The following AQR variants were observed in gnomAD, a reference collection of about 807,000 sequenced individuals.
The protein encoded by AQR is aquarius intron-binding spliceosomal factor, also known as RNA helicase aquarius.
A neutral mutation model predicts 180.5 loss-of-function variants in AQR; 61 were observed. The observed-to-expected ratio is 0.34, with a 90% CI of 0.28 to 0.42. The LOEUF is 0.42. Among genes scored for constraint, AQR ranks in the 10% least tolerant of loss-of-function variants. The probability of loss-of-function intolerance (pLI) is 1.00; values close to 1 mark genes in which losing one functional copy is unlikely to be tolerated. For synonymous variants in AQR, 551 were observed against 588.8 expected, an observed-to-expected ratio of 0.94 and a Z score of 0.93; for missense variants, 1,281 against 1,798.3, an observed-to-expected ratio of 0.71 and a Z score of 5.20.
At chr15:34,920,237 G>A (rs1328203322) in intron 14 of AQR, 95 bp downstream of exon 14, 2 of 772,376 alleles carry the variant, frequency 2.6e-6, no homozygotes, top group African/African-American at 1.8e-5. Flanking sequence ...CTAATCTTTG[G>A]CCCACAAAAA....
At chr15:34,966,202 A>G (rs2050309106) in intron 1 of AQR, among the ~76,000 whole-genome samples, 2 of 152,258 alleles carry the variant, frequency 1.3e-5, no homozygotes, top group Non-Finnish European at 2.9e-5. Flanking sequence ...AAGTGAGGTC[A>G]CAAAGTTCAG....
In AQR at chr15:34,900,794, T is replaced by C; in HGVS notation, c.2071A>G (p.Ile691Val). 3 of 1,614,160 alleles carry C rather than the reference T, an allele frequency of 1.9e-6. No homozygotes were observed. Among genetic ancestry groups the C allele is most frequent in the Non-Finnish European group, 2.5e-6 (3 of 1,179,998 alleles). The part of the protein sequence containing the change: ...CVVPDWLHDI[I>V]LGYGDPSSAH... ...CTACTTGGGTCCCCATAACCTAAAA[T>C]GATATCGTGCAGCCAGTCAGGTACC... The change falls in exon 20 of 35, where the codon ATT (isoleucine) becomes GTT (valine). Residue 691 changes from isoleucine (I) to valine (V), a missense_variant. Ile to Val is a conservative substitution (Grantham distance 29). This residue lies in a region of AQR where 28 missense variants were observed against 75.3 expected (regional missense o/e 0.37). Coordinates refer to ENST00000156471, the MANE Select transcript of AQR (RefSeq NM_014691.3).
At chr15:34,897,734 T>C (rs1186120843) in intron 20 of AQR, 29 bp from the exon 21 acceptor site, 1 of 1,612,116 alleles carries the variant, frequency 6.2e-7, no homozygotes, top group South Asian at 1.1e-5. Flanking sequence ...TGTTCATTTT[T>C]GCAATTAACA....
intron 32 of AQR, among the ~76,000 whole-genome samples, chr15:34,865,318 A>T (rs1892725797): frequency 6.6e-6 from 1 of 152,156 alleles, no homozygotes; most frequent in African/African-American, 2.4e-5. Flanking sequence ...TACAAGAACA[A>T]TGAATGCTGG....
intron 22 of AQR, among the ~76,000 whole-genome samples, chr15:34,895,222 G>GAAAAAAAAAAAA (rs1555423906): frequency 2.7e-5 from 1 of 37,286 alleles, no homozygotes; most frequent in Non-Finnish European, 5.0e-5. Flanking sequence ...ATATATATAT[G>GAAAAAAAAAAAA]AAACAAATAA....
rs958432456 is a variant in AQR at position 34,877,507 on chromosome 15, T to G, written c.3166-1501A>C. ...ATGATTAGGTCATTTTTGTGGGAGCTGAACAGAAGGAGGAATTCAAACTCT... is the reference window on the plus strand; with the variant it reads ...ATGATTAGGTCATTTTTGTGGGAGCGGAACAGAAGGAGGAATTCAAACTCT... On this transcript the variant is annotated intron_variant, in intron 27 of 34. Transcript: ENST00000156471. 3.9e-5 allele frequency among the ~76,000 whole-genome samples: 6 copies of G among 152,122 alleles called. No homozygotes were observed. The South Asian group carries it at 1.2e-3, about 32-fold the overall frequency.
chr15:34,909,616 T>C (rs147552832), intron 17 of AQR, among the ~76,000 whole-genome samples: 1 of 152,216 alleles, frequency 6.6e-6, no homozygotes, highest in African/African-American at 2.4e-5. Flanking sequence ...CACCCCCACA[T>C]ATTCTTTTTA....
chr15:34,969,426 A>T, intron 1 of AQR, 113 bp downstream of exon 1: 1 of 1,093,684 alleles, frequency 9.1e-7, no homozygotes, highest in Non-Finnish European at 1.4e-6. Context: ...TGAATCAATT[A>T]ACAAACGAAT....
chr15:34,966,820 C>T (rs1184004429), intron 1 of AQR, among the ~76,000 whole-genome samples: 1 of 149,194 alleles, frequency 6.7e-6, no homozygotes, highest in Non-Finnish European at 1.5e-5. Context: ...TGTTTAGGCT[C>T]TTCTAGAGTG....
intron 13 of AQR, among the ~76,000 whole-genome samples, chr15:34,923,495 G>T (rs191752290): frequency 6.6e-6 from 1 of 152,066 alleles, no homozygotes; most frequent in Admixed American, 6.6e-5. Flanking sequence ...TTGTGCTTTG[G>T]TGTCTATAGA....
intron 22 of AQR, 107 bp downstream of exon 22, chr15:34,896,790 A>G (rs1398919478): frequency 3.3e-6 from 3 of 906,036 alleles, no homozygotes; most frequent in Non-Finnish European, 5.3e-6. Flanking sequence ...CAGAGGCTGC[A>G]GTGAGCTGAG....
At chr15:34,946,917 C>A (rs1424279564) in intron 5 of AQR, among the ~76,000 whole-genome samples, 3 of 150,472 alleles carry the variant, frequency 2.0e-5, no homozygotes, top group Admixed American at 6.6e-5. Flanking sequence ...CGGCCAGCCG[C>A]CCCATCCGGG....
At position 34,862,930 on chromosome 15, in the gene AQR, C is replaced by G. The variant is rs1230878476; in HGVS notation, c.3966G>C (p.Gln1322His). 1.2e-6 allele frequency: 2 copies of G among 1,613,756 alleles called. No homozygotes were observed. Among genetic ancestry groups the G allele is most frequent in the African/African-American group, 2.7e-5 (2 of 74,878 alleles). Residue 1322 changes from glutamine (Q) to histidine (H), a missense_variant, in exon 33 of 35, where the codon CAG (glutamine) becomes CAC (histidine). Physicochemically the swap from Gln to His is conservative, Grantham distance 24. Around this residue, in one of 9 missense-constraint regions of AQR, gnomAD observed 197 missense variants for 320.7 expected, o/e 0.61. Transcript: ENST00000156471. ...NCFELTPAFS[Q>H]LTARPLHLHI... ...GCAAATGAAGGGGGCGAGCTGTGAG[C>G]TGACTGAAAGCTGGAGTCAGTTCAA...
intron 27 of AQR, among the ~76,000 whole-genome samples, chr15:34,879,453 G>T (rs1439800081): frequency 6.6e-6 from 1 of 152,152 alleles, no homozygotes; most frequent in Non-Finnish European, 1.5e-5. Context: ...GCGCATGCTT[G>T]AAGATTTTCC....
chr15:34,934,746 T>C (rs1297166932), intron 9 of AQR, 111 bp from the exon 10 acceptor site: 2 of 601,830 alleles, frequency 3.3e-6, no homozygotes, highest in Non-Finnish European at 5.4e-6. Context: ...TTGTCTTTTA[T>C]TCATCAGAAT....
intron 8 of AQR, among the ~76,000 whole-genome samples, chr15:34,939,358 C>A (rs79806515): frequency 6.6e-6 from 1 of 152,236 alleles, no homozygotes; most frequent in South Asian, 2.1e-4. Flanking sequence ...TGAGCCATGG[C>A]GCCCAGCCTG....
rs1892578321 is a variant in AQR at position 34,855,682 on chromosome 15, T to C, written c.*1110A>G. Reference sequence around the variant, plus strand: ...CAACACAGTAATCTTAGTACAGTGCTTCTCAAACTACAAAGTGCCTGTGAA... The same window carrying C: ...CAACACAGTAATCTTAGTACAGTGCCTCTCAAACTACAAAGTGCCTGTGAA... On this transcript the variant is annotated 3_prime_UTR_variant, in exon 35 of 35. Coordinates refer to ENST00000156471, the MANE Select transcript of AQR (RefSeq NM_014691.3). The C allele has an allele frequency of 6.6e-6, 1 of 152,204 alleles. No homozygotes were observed. Among genetic ancestry groups the C allele is most frequent in the Non-Finnish European group, 1.5e-5 (1 of 68,030 alleles). 9.4% of individuals were successfully genotyped at this position (152,204 alleles called of 1,614,324 possible). A position where few individuals can be genotyped will look rare whatever the true frequency, so the allele number is the denominator to read the frequency against.
chr15:34,950,872 T>G lies in AQR; in HGVS notation c.209+2013A>C, dbSNP rs75353926. On this transcript the variant is annotated intron_variant, in intron 4 of 34. Coordinates refer to ENST00000156471, the MANE Select transcript of AQR (RefSeq NM_014691.3). ...TATCTTTATAACTGTTTCTGCCAGA[T>G]GTCCCACAGATGTCACTGGCTTGCC... 4.1e-3 allele frequency among the ~76,000 whole-genome samples: 627 copies of G among 152,318 alleles called. 2 individuals carry two copies. The highest frequency in any genetic ancestry group is 0.01 in the Middle Eastern group (3 of 294).
chr15:34,926,000 T>C (rs1319494229), intron 13 of AQR, among the ~76,000 whole-genome samples: 3 of 151,226 alleles, frequency 2.0e-5, no homozygotes, highest in Admixed American at 2.0e-4. Flanking sequence ...ACCCCGTCTC[T>C]ACTAAAAATA....
Sources: allele counts gnomAD v4.1 joint callset (sites outside exome capture counted in the v4.1 genomes callset), GRCh38; gene constraint gnomAD v4.1.1; regional missense constraint gnomAD v4.1.1; transcripts MANE v1.5; gene names NCBI Gene and HGNC (gene_info 2026-07-23, HGNC 2026-07-21).